PRKCA: variants seen among roughly 807,000 people sequenced by gnomAD.
PRKCA encodes the protein protein kinase C alpha type.
A neutral mutation model predicts 87.0 loss-of-function variants in PRKCA; 27 were observed. The ratio of observed to expected loss-of-function variants is 0.31; its 90% confidence interval spans 0.23 to 0.43. The LOEUF is 0.43. Among genes scored for constraint, PRKCA ranks in the 20% least tolerant of loss-of-function variants. The pLI is 1.00. For missense variants in PRKCA, 518 were observed against 852.3 expected (o/e 0.61, Z 4.88); for synonymous variants, 329 against 311.1 (o/e 1.06, Z -0.61).
At chr17:66,690,808 A>T (rs1972761045) in intron 8 of PRKCA, among the ~76,000 whole-genome samples, 1 of 147,656 alleles carries the variant, frequency 6.8e-6, no homozygotes, top group East Asian at 2.0e-4. Context: ...AGCCTGGGCA[A>T]CAGAGCAAGA....
intron 3 of PRKCA, among the ~76,000 whole-genome samples, chr17:66,587,781 ATATGTATACATATATACGTATATGTG>A (rs1293845983): frequency 3.2e-5 from 2 of 62,778 alleles, no homozygotes; most frequent in African/African-American, 1.4e-4. Context: ...ATATGTGTGT[ATATGTATACATATATACGTATATGTG>A]TGTGTATATG....
At chr17:66,616,531 G>T (rs1385800812) in intron 3 of PRKCA, among the ~76,000 whole-genome samples, 2 of 152,194 alleles carry the variant, frequency 1.3e-5, no homozygotes, top group Non-Finnish European at 2.9e-5. Context: ...CTAGGCACTG[G>T]GGGCACACAG....
intron 2 of PRKCA, among the ~76,000 whole-genome samples, chr17:66,469,227 A>G (rs1424725248): frequency 6.6e-6 from 1 of 152,226 alleles, no homozygotes; most frequent in Non-Finnish European, 1.5e-5. Context: ...AATCTGCTAA[A>G]GAGAAAGGTG....
At chr17:66,637,462 G>C (rs1167463186) in intron 3 of PRKCA, among the ~76,000 whole-genome samples, 1 of 152,104 alleles carries the variant, frequency 6.6e-6, no homozygotes, top group Non-Finnish European at 1.5e-5. Context: ...CTGATGTCCT[G>C]GGATCCTGGC....
intron 2 of PRKCA, among the ~76,000 whole-genome samples, chr17:66,360,745 C>T (rs888682583): frequency 2.0e-4 from 30 of 152,236 alleles, no homozygotes; most frequent in African/African-American, 5.1e-4. Flanking sequence ...TCTTGTCATC[C>T]GAACTGGATA....
At chr17:66,411,185 C>T (rs1416762183) in intron 2 of PRKCA, among the ~76,000 whole-genome samples, 2 of 151,930 alleles carry the variant, frequency 1.3e-5, no homozygotes, top group African/African-American at 2.4e-5. Context: ...GATCCTCCTA[C>T]CTTAGCCTCC....
At chr17:66,669,627 C>T (rs1407899731) in intron 5 of PRKCA, among the ~76,000 whole-genome samples, 7 of 152,138 alleles carry the variant, frequency 4.6e-5, no homozygotes, top group Non-Finnish European at 1.0e-4. Flanking sequence ...GGGCTGGGTG[C>T]GGTGGCTCAC....
intron 2 of PRKCA, among the ~76,000 whole-genome samples, chr17:66,424,002 A>G (rs1912639681): frequency 6.6e-6 from 1 of 152,186 alleles, no homozygotes; most frequent in Non-Finnish European, 1.5e-5. Context: ...GGCACTTTGC[A>G]GCATTATGAT....
At chr17:66,754,458 T>C (rs547608175) in intron 13 of PRKCA, among the ~76,000 whole-genome samples, 1 of 152,244 alleles carries the variant, frequency 6.6e-6, no homozygotes, top group East Asian at 1.9e-4. Flanking sequence ...GTCACCTCAC[T>C]TGAGCTTGCT....
chr17:66,392,794 G>A (rs1020590998), intron 2 of PRKCA, among the ~76,000 whole-genome samples: 2 of 152,166 alleles, frequency 1.3e-5, no homozygotes, highest in African/African-American at 2.4e-5. Flanking sequence ...ATAAAAGAAA[G>A]TATAGGCCAT....
In PRKCA at chr17:66,738,713, G is replaced by A. The variant is rs769339834; in HGVS notation, c.1231-51G>A. 1.6e-5 allele frequency: 24 copies of A among 1,458,882 alleles called. No homozygotes were observed. The East Asian group carries it at 3.9e-4, about 23-fold the overall frequency. The allele number at this position is 1,458,882 out of a possible 1,614,324, so 90.4% of individuals were successfully genotyped here. On this transcript the variant is annotated intron_variant, in intron 10 of 16. Transcript: ENST00000413366. ...ACACAACCTGTGAAGAGCAAAGGAA[G>A]CCACTTGGCTGGGGAGGAGCCCTGC...
intron 5 of PRKCA, among the ~76,000 whole-genome samples, chr17:66,657,407 A>T (rs981664047): frequency 2.0e-5 from 3 of 152,276 alleles, no homozygotes; most frequent in African/African-American, 7.2e-5. Context: ...GCCTGAAGGA[A>T]GTGTTGTTTC....
chr17:66,452,774 G>A (rs976633096), intron 2 of PRKCA, among the ~76,000 whole-genome samples: 10 of 152,326 alleles, frequency 6.6e-5, no homozygotes, highest in African/African-American at 2.2e-4. Flanking sequence ...TGAGGCAGGA[G>A]AATGGCATGA....
chr17:66,389,688 G>A (rs897845630), intron 2 of PRKCA, among the ~76,000 whole-genome samples: 5 of 152,180 alleles, frequency 3.3e-5, no homozygotes, highest in Non-Finnish European at 5.9e-5. Context: ...TGAAACATGC[G>A]ACTGGTTCTT....
intron 13 of PRKCA, among the ~76,000 whole-genome samples, chr17:66,763,932 G>A (rs948705677): frequency 6.6e-6 from 1 of 152,164 alleles, no homozygotes; most frequent in African/African-American, 2.4e-5. Flanking sequence ...ATCCTGTTAA[G>A]CATTTGGGCC....
Position 66,738,812 on chromosome 17 carries a change from T to C in PRKCA, c.1279T>C (p.Tyr427His), listed in dbSNP as rs1974095497. Residue 427 changes from tyrosine to histidine, a missense_variant, in exon 11 of 17, where the codon TAC becomes CAC. Tyr to His is a moderately conservative substitution (Grantham distance 83). Around this residue, in one of 5 missense-constraint regions of PRKCA, gnomAD observed 300 missense variants for 496.8 expected, o/e 0.60. Coordinates refer to ENST00000413366, the MANE Select transcript of PRKCA (RefSeq NM_002737.3). ...MEYVNGGDLM[Y>H]HIQQVGKFKE... ...ATATGTCAACGGTGGGGACCTCATG[T>C]ACCACATTCAGCAAGTAGGAAAATT... 1 of 1,613,854 alleles carries C rather than the reference T, an allele frequency of 6.2e-7. No homozygotes were observed. Among genetic ancestry groups the C allele is most frequent in the African/African-American group, 1.3e-5 (1 of 75,028 alleles).
chr17:66,377,643 A>G (rs1451372731), intron 2 of PRKCA, among the ~76,000 whole-genome samples: 3 of 144,202 alleles, frequency 2.1e-5, no homozygotes, highest in African/African-American at 7.6e-5. Flanking sequence ...TATATTATAT[A>G]TATAATGTCT....
intron 2 of PRKCA, among the ~76,000 whole-genome samples, chr17:66,419,397 CTG>C (rs1912361024): frequency 6.6e-6 from 1 of 152,032 alleles, no homozygotes; most frequent in African/African-American, 2.4e-5. Flanking sequence ...TCTGTTGTAA[CTG>C]TGTTTCTTAA....
chr17:66,710,849 G>A (rs1598889553), intron 8 of PRKCA, among the ~76,000 whole-genome samples: 1 of 151,486 alleles, frequency 6.6e-6, no homozygotes, highest in African/African-American at 2.4e-5. Context: ...GCCCAACATG[G>A]TGAAACCCCG....
Sources: allele counts gnomAD v4.1 joint callset (sites outside exome capture counted in the v4.1 genomes callset), GRCh38; gene constraint gnomAD v4.1.1; regional missense constraint gnomAD v4.1.1; transcripts MANE v1.5; gene names NCBI Gene and HGNC (gene_info 2026-07-23, HGNC 2026-07-21).